The following RPS6KA2 variants were observed in gnomAD, a reference collection of about 807,000 sequenced individuals.
RPS6KA2 encodes the protein ribosomal protein S6 kinase A2, also known as ribosomal protein S6 kinase alpha-2.
RPS6KA2 carries 42 observed loss-of-function variants against 91.8 expected under a neutral mutation model. That is an observed-to-expected ratio of 0.46 (90% CI 0.36 to 0.59). RPS6KA2 has a LOEUF of 0.59. Ranked by LOEUF, RPS6KA2 falls within the 20% of genes least tolerant of loss-of-function variation. The pLI, the probability that RPS6KA2 is intolerant of heterozygous loss-of-function variation, is 0.00. For missense variants in RPS6KA2, 798 were observed against 978.5 expected (o/e 0.82, Z 2.46); for synonymous variants, 414 against 393.6 (o/e 1.05, Z -0.61).
At chr6:166,462,248 C>T (rs1780340857) in intron 11 of RPS6KA2, among the ~76,000 whole-genome samples, 1 of 152,268 alleles carries the variant, frequency 6.6e-6, no homozygotes, top group Non-Finnish European at 1.5e-5. Context: ...ACCCCTTCCC[C>T]TCCCCATGGA....
At position 166,576,397 on chromosome 6, in the gene RPS6KA2, G is replaced by A. The variant is rs141376181; in HGVS notation, c.100-37613C>T. Among the ~76,000 whole-genome samples the A allele has an allele frequency of 7.0e-4, 107 of 152,378 alleles. No individual in the cohort carries two copies. In the Middle Eastern group the frequency reaches 0.01, roughly 15 times the overall value. On this transcript the variant is annotated intron_variant, in intron 1 of 20. Coordinates refer to ENST00000265678, the MANE Select transcript of RPS6KA2 (RefSeq NM_021135.6). ...AGACAGGAAAACGTGGGAAAGTTTG[G>A]AACTTCCTAGAGACTTGCTGAATGG...
At position 166,537,262 on chromosome 6, in the gene RPS6KA2, T is replaced by G. The variant is rs562156721; in HGVS notation, c.216+1406A>C. Among the ~76,000 whole-genome samples, 6 of 152,400 alleles carry G rather than the reference T, an allele frequency of 3.9e-5. No homozygotes were observed. In the East Asian group the frequency reaches 1.2e-3, roughly 29 times the overall value. ...AAAGGTGGAAAAAGGAAAGAATGCT[T>G]GCTTGTCTCTGTTTTCAAATCATGG... On this transcript the variant is annotated intron_variant, in intron 2 of 20. Coordinates refer to ENST00000265678, the MANE Select transcript of RPS6KA2 (RefSeq NM_021135.6).
Position 166,849,160 on chromosome 6 carries a change from G to A in RPS6KA2, c.123+9040C>T, listed in dbSNP as rs1429858538. ...CCTTGGTCCGGCCATGCCAGGGTCT[G>A]TCTGTCTGTCTGTCTGGGACAATCC... On this transcript the variant is annotated intron_variant, in intron 2 of 21. Coordinates refer to the RPS6KA2 transcript ENST00000503859. The surrounding 1 kb of genome is among the most constrained non-coding windows in gnomAD (Gnocchi z 4.9). 6.6e-6 allele frequency among the ~76,000 whole-genome samples: 1 copy of A among 151,944 alleles called. No individual in the cohort carries two copies. Among genetic ancestry groups the A allele is most frequent in the African/African-American group, 2.4e-5 (1 of 41,428 alleles).
chr6:166,440,721 C>A (rs1779492712), intron 14 of RPS6KA2, among the ~76,000 whole-genome samples: 1 of 152,232 alleles, frequency 6.6e-6, no homozygotes, highest in Non-Finnish European at 1.5e-5. Flanking sequence ...GGAAATGCCA[C>A]TACTAAAAAC....
At chr6:166,467,608 G>A (rs1780592157) in intron 11 of RPS6KA2, among the ~76,000 whole-genome samples, 1 of 152,176 alleles carries the variant, frequency 6.6e-6, no homozygotes, top group South Asian at 2.1e-4. Flanking sequence ...AGACCAGCTG[G>A]AGCCAGTGCT....
chr6:166,478,105 A>G (rs1339953288), intron 10 of RPS6KA2, among the ~76,000 whole-genome samples: 1 of 152,224 alleles, frequency 6.6e-6, no homozygotes, highest in Non-Finnish European at 1.5e-5. Flanking sequence ...ACCCTCACGC[A>G]TGTGGCCCCA....
chr6:166,446,962 C>T (rs1404992611), intron 14 of RPS6KA2, among the ~76,000 whole-genome samples: 1 of 152,182 alleles, frequency 6.6e-6, no homozygotes, highest in African/African-American at 2.4e-5. Flanking sequence ...AAGTGAAATT[C>T]TCTTGTCTAA....
intron 11 of RPS6KA2, among the ~76,000 whole-genome samples, chr6:166,461,260 A>T (rs1780277392): frequency 6.6e-6 from 1 of 152,148 alleles, no homozygotes; most frequent in Admixed American, 6.5e-5. Flanking sequence ...CCATTTTCAG[A>T]AATGAAAAGA....
chr6:166,855,477 A>ATAG (rs1562473300), intron 2 of RPS6KA2, among the ~76,000 whole-genome samples: 2 of 53,134 alleles, frequency 3.8e-5, no homozygotes, highest in East Asian at 4.3e-3. Flanking sequence ...AGGAAGAGGA[A>ATAG]GAAGAAGAAG....
At chr6:166,414,036 A>G (rs945889666) in intron 19 of RPS6KA2, 105 bp from the exon 20 acceptor site, 3 of 1,023,020 alleles carry the variant, frequency 2.9e-6, no homozygotes, top group African/African-American at 3.2e-5. Context: ...ACACCCAACC[A>G]CTATGCTGAG....
chr6:166,801,333 T>C (rs1283647578), intron 2 of RPS6KA2, among the ~76,000 whole-genome samples: 1 of 22,888 alleles, frequency 4.4e-5, no homozygotes, highest in Admixed American at 4.8e-4. Flanking sequence ...GGGAGGTTTA[T>C]TTTATTTTAT....
At chr6:166,619,206 G>C (rs1370524428) in intron 1 of RPS6KA2, among the ~76,000 whole-genome samples, 1 of 152,164 alleles carries the variant, frequency 6.6e-6, no homozygotes, top group Non-Finnish European at 1.5e-5. Context: ...AGAAATAAGA[G>C]ACAGACCCAA....
intron 2 of RPS6KA2, among the ~76,000 whole-genome samples, chr6:166,755,839 G>T (rs901760130): frequency 6.6e-6 from 1 of 152,128 alleles, no homozygotes; most frequent in African/African-American, 2.4e-5. Flanking sequence ...ACGGACTCAG[G>T]GCTGAGCTGG....
intron 2 of RPS6KA2, among the ~76,000 whole-genome samples, chr6:166,727,694 AC>A (rs1790383962): frequency 6.6e-6 from 1 of 152,108 alleles, no homozygotes; most frequent in South Asian, 2.1e-4. Flanking sequence ...AGTCACCAGC[AC>A]CCTAAAATAT....
rs556782101 is a variant in RPS6KA2 at position 166,569,253 on chromosome 6, A to G, written c.100-30469T>C. Among the ~76,000 whole-genome samples the G allele has an allele frequency of 1.1e-4, 17 of 152,278 alleles. No individual in the cohort carries two copies. In the East Asian group the frequency reaches 1.4e-3, roughly 12 times the overall value. ...CTTGAGACTGGCCCTGGTTTGGCCC[A>G]TTCTGCTCCTCCCGTCTTCCATGGC... On this transcript the variant is annotated intron_variant, in intron 1 of 20. Transcript: ENST00000265678.
intron 2 of RPS6KA2, among the ~76,000 whole-genome samples, chr6:166,856,016 T>C (rs1780891402): frequency 6.6e-6 from 1 of 152,194 alleles, no homozygotes; most frequent in Non-Finnish European, 1.5e-5. Flanking sequence ...CTATGATAGA[T>C]TCACATCTAG....
chr6:166,676,093 G>T (rs1788612245), intron 2 of RPS6KA2, among the ~76,000 whole-genome samples: 3 of 152,062 alleles, frequency 2.0e-5, no homozygotes. Context: ...AGGGGGGATG[G>T]ATCACTTGAG....
At chr6:166,568,008 C>T (rs1029681675) in intron 1 of RPS6KA2, among the ~76,000 whole-genome samples, 6 of 152,294 alleles carry the variant, frequency 3.9e-5, no homozygotes, top group South Asian at 2.1e-4. Context: ...TGGGAAACAT[C>T]CTGTCTCAGG....
intron 3 of RPS6KA2, among the ~76,000 whole-genome samples, chr6:166,519,392 G>A (rs916150000): frequency 2.0e-5 from 3 of 152,212 alleles, no homozygotes; most frequent in South Asian, 2.1e-4. Flanking sequence ...CTTGAGATTC[G>A]CTAATAAATG....
Sources: allele counts gnomAD v4.1 joint callset (sites outside exome capture counted in the v4.1 genomes callset), GRCh38; gene constraint gnomAD v4.1.1; non-coding constraint Gnocchi (gnomAD v3.1); transcripts MANE v1.5; gene names NCBI Gene and HGNC (gene_info 2026-07-23, HGNC 2026-07-21).